CNTN3: variants seen among roughly 807,000 people sequenced by gnomAD.
CNTN3 encodes contactin 3, also known as contactin-3.
CNTN3 carries 60 observed loss-of-function variants against 119.1 expected under a neutral mutation model. The ratio of observed to expected loss-of-function variants is 0.50; its 90% CI spans 0.41 to 0.62. The LOEUF (loss-of-function observed/expected upper bound fraction) is 0.62. Among genes scored for constraint, CNTN3 ranks in the 20% least tolerant of loss-of-function variants. The probability of loss-of-function intolerance (pLI) is 0.00; values close to 1 mark genes in which losing one functional copy is unlikely to be tolerated. For synonymous variants in CNTN3, 450 were observed against 438.7 expected, an observed-to-expected ratio of 1.03 and a Z score of -0.32; for missense variants, 1,101 against 1,242.4, an observed-to-expected ratio of 0.89 and a Z score of 1.71.
chr3:74,404,423 G>A (rs980938136), intron 5 of CNTN3, among the ~76,000 whole-genome samples: 7 of 151,874 alleles, frequency 4.6e-5, no homozygotes, highest in African/African-American at 1.7e-4. Context: ...TATCTAATTC[G>A]GGCACTTTGA....
intron 4 of CNTN3, among the ~76,000 whole-genome samples, chr3:74,463,350 G>A (rs1702406065): frequency 1.3e-5 from 2 of 152,110 alleles, no homozygotes; most frequent in Non-Finnish European, 2.9e-5. Context: ...GAATAGACAT[G>A]AATTTCTGTT....
intron 5 of CNTN3, among the ~76,000 whole-genome samples, chr3:74,409,355 C>G (rs1386665084): frequency 6.6e-6 from 1 of 152,162 alleles, no homozygotes; most frequent in African/African-American, 2.4e-5. Flanking sequence ...CTAGCTGTCA[C>G]CAATCAGGTA....
chr3:74,267,921 G>A (rs953305531), intron 20 of CNTN3, among the ~76,000 whole-genome samples: 1 of 152,126 alleles, frequency 6.6e-6, no homozygotes, highest in African/African-American at 2.4e-5. Flanking sequence ...TTTGGAGCCA[G>A]CCTTGTATGA....
chr3:74,477,164 A>C (rs1277643817), intron 4 of CNTN3, among the ~76,000 whole-genome samples: 1 of 152,106 alleles, frequency 6.6e-6, no homozygotes, highest in Non-Finnish European at 1.5e-5. Flanking sequence ...TAGCTCACTT[A>C]ATCCACACAC....
rs1450318462 is a variant in CNTN3 at position 74,285,408 on chromosome 3, C to T, written c.2601G>A (p.Arg867=). 1 of 1,613,508 alleles carries T rather than the reference C, an allele frequency of 6.2e-7. No homozygotes were observed. Among genetic ancestry groups the T allele is most frequent in the African/African-American group, 1.3e-5 (1 of 74,960 alleles). ...AATAGGCCAGGTTGCTCTTCAGGCC[C>T]CGTAGTCTGGCTGATGTCTCATTTC... ...VAGNETSARL[R]GLKSNLAYYT... is the part of the protein sequence containing the mutation. The change falls in exon 20 of 23, where the codon CGG becomes CGA. Residue 867 remains arginine (R), a synonymous_variant. Transcript: ENST00000263665.
intron 5 of CNTN3, among the ~76,000 whole-genome samples, chr3:74,411,309 C>T (rs1340711370): frequency 6.6e-6 from 1 of 152,094 alleles, no homozygotes; most frequent in East Asian, 1.9e-4. Context: ...ACCTTTAGAG[C>T]ACTCGGCAGA....
At chr3:74,394,796 A>C (rs1027476344) in intron 5 of CNTN3, among the ~76,000 whole-genome samples, 1 of 133,898 alleles carries the variant, frequency 7.5e-6, no homozygotes, top group African/African-American at 3.0e-5. Context: ...TCAACTCATT[A>C]TTAATGACTT....
chr3:74,287,888 G>T (rs931583816), intron 19 of CNTN3, among the ~76,000 whole-genome samples: 7 of 152,104 alleles, frequency 4.6e-5, no homozygotes, highest in Non-Finnish European at 1.0e-4. Context: ...CTACTGCTAT[G>T]GCTCTCTCCA....
intron 2 of CNTN3, among the ~76,000 whole-genome samples, chr3:74,518,547 A>G (rs897395306): frequency 1.2e-4 from 18 of 151,856 alleles, no homozygotes; most frequent in African/African-American, 4.3e-4. Context: ...CAACACCACA[A>G]ACTCACAAAG....
At chr3:74,290,880 T>G (rs1702216533) in intron 19 of CNTN3, among the ~76,000 whole-genome samples, 1 of 151,860 alleles carries the variant, frequency 6.6e-6, no homozygotes, top group African/African-American at 2.4e-5. Context: ...TTTATTTATT[T>G]ATTTATTTTT....
At position 74,512,692 on chromosome 3, in the gene CNTN3, CAAAA is replaced by C. The variant is rs66822650; in HGVS notation, c.55+8362_55+8365del. 4.8e-3 allele frequency among the ~76,000 whole-genome samples: 406 copies of C among 85,254 alleles called. 2 individuals carry two copies. Among genetic ancestry groups the C allele is most frequent in the Middle Eastern group, 0.021 (2 of 94 alleles). The allele number at this position is 85,254 out of a possible 152,430, so 55.9% of individuals were successfully genotyped here. On this transcript the variant is annotated intron_variant, in intron 2 of 22. Coordinates refer to ENST00000263665, the MANE Select transcript of CNTN3 (RefSeq NM_020872.3). ...TCATTTGTTTGGCTGCATAATCAAG[CAAAA>C]AAAAAAAAAAAAAAAAAAAGAAAGA...
rs771631233 is a variant in CNTN3 at position 74,357,823 on chromosome 3, C to T, written c.1364+4067G>A. ...CACTTCAAATTTTGTCATAAATATCCCATTAAAAAATTGTCTTCTATTCTT... is the reference window on the plus strand; with the variant it reads ...CACTTCAAATTTTGTCATAAATATCTCATTAAAAAATTGTCTTCTATTCTT... On this transcript the variant is annotated intron_variant, in intron 11 of 22. Coordinates refer to ENST00000263665, the MANE Select transcript of CNTN3 (RefSeq NM_020872.3). Among the ~76,000 whole-genome samples the T allele has an allele frequency of 1.3e-5, 2 of 151,938 alleles. 1 individual carries two copies. Among genetic ancestry groups the T allele is most frequent in the African/African-American group, 4.8e-5 (2 of 41,302 alleles).
chr3:74,563,641 AC>A (rs778696048), intron 1 of CNTN3, among the ~76,000 whole-genome samples: 10 of 152,092 alleles, frequency 6.6e-5, no homozygotes, highest in Non-Finnish European at 5.9e-5. Flanking sequence ...ATAGCACATG[AC>A]CTAGGCTCTG....
At chr3:74,554,256 C>CGTT (rs1704036863) in intron 1 of CNTN3, among the ~76,000 whole-genome samples, 1 of 151,920 alleles carries the variant, frequency 6.6e-6, no homozygotes, top group South Asian at 2.1e-4. Flanking sequence ...CTGAGGCCTC[C>CGTT]GTTCTGTTCC....
At chr3:74,448,369 G>C (rs1210929246) in intron 4 of CNTN3, among the ~76,000 whole-genome samples, 1 of 152,020 alleles carries the variant, frequency 6.6e-6, no homozygotes, top group Non-Finnish European at 1.5e-5. Flanking sequence ...CACTTGTCTT[G>C]GCCTAGAAAA....
At chr3:74,386,382 G>A (rs967334766) in intron 5 of CNTN3, among the ~76,000 whole-genome samples, 1 of 152,172 alleles carries the variant, frequency 6.6e-6, no homozygotes, top group African/African-American at 2.4e-5. Context: ...ACACTGGGAA[G>A]TTGAAGAAGG....
intron 4 of CNTN3, among the ~76,000 whole-genome samples, chr3:74,485,720 T>TA (rs1702843626): frequency 1.5e-5 from 2 of 136,036 alleles, no homozygotes; most frequent in African/African-American, 5.6e-5. Context: ...ACAACTAAAA[T>TA]AAAGAGAGAC....
intron 13 of CNTN3, among the ~76,000 whole-genome samples, chr3:74,330,143 G>T (rs1253051945): frequency 1.3e-5 from 2 of 152,080 alleles, no homozygotes; most frequent in Non-Finnish European, 1.5e-5. Flanking sequence ...ATCACCTGAG[G>T]TCAGGAGTTC....
intron 1 of CNTN3, among the ~76,000 whole-genome samples, chr3:74,582,345 G>A (rs1377290773): frequency 2.0e-5 from 3 of 152,002 alleles, no homozygotes; most frequent in Non-Finnish European, 4.4e-5. Flanking sequence ...GGCAGAGGCT[G>A]CAGTGAGCCA....
Sources: gnomAD v4.1 joint callset for allele counts (sites outside exome capture counted in the v4.1 genomes callset) on GRCh38, gnomAD v4.1.1 for gene constraint, MANE v1.5 for transcripts, NCBI Gene and HGNC (gene_info 2026-07-23, HGNC 2026-07-21) for gene names.